MYOM1: variants seen among roughly 807,000 people sequenced by gnomAD.
MYOM1 encodes the protein myomesin-1.
MYOM1 carries 164 observed loss-of-function variants against 205.3 expected under a neutral mutation model. That is an observed-to-expected ratio of 0.80 (90% CI 0.70 to 0.91). MYOM1 has a LOEUF of 0.91. MYOM1 is among the 40% of genes least tolerant of loss of function. The pLI, the probability that MYOM1 is intolerant of heterozygous loss-of-function variation, is 0.00. For synonymous variants in MYOM1, 772 were observed against 789.4 expected (o/e 0.98, Z 0.37); for missense variants, 2,011 against 2,127.3 (o/e 0.95, Z 1.08).
intron 10 of MYOM1, among the ~76,000 whole-genome samples, chr18:3,156,769 G>A (rs1255179982): frequency 1.3e-5 from 2 of 152,040 alleles, no homozygotes; most frequent in Admixed American, 6.6e-5. Flanking sequence ...ACCTATGCCC[G>A]GCTAATTTTT....
At chr18:3,102,724 T>TAAAGA in intron 22 of MYOM1, 94 bp from the exon 23 acceptor site, 1 of 1,346,808 alleles carries the variant, frequency 7.4e-7, no homozygotes, top group Non-Finnish European at 1.0e-6. Flanking sequence ...AACCCTAAAG[T>TAAAGA]AGGGCCCTGA....
Position 3,067,237 on chromosome 18 carries a change from C to A in MYOM1, c.*25G>T. 6.4e-7 allele frequency: 1 copy of A among 1,561,834 alleles called. No individual in the cohort carries two copies. Among genetic ancestry groups the A allele is most frequent in the Non-Finnish European group, 8.7e-7 (1 of 1,152,192 alleles). ...CCATTCACACCCAAGTCACACAGGC[C>A]GGCTGGCTCTCCTCGCACCTCCGGT... On this transcript the variant is annotated 3_prime_UTR_variant, in exon 38 of 38. Transcript: ENST00000356443.
At chr18:3,170,662 T>C (rs1012679035) in intron 8 of MYOM1, among the ~76,000 whole-genome samples, 1 of 152,156 alleles carries the variant, frequency 6.6e-6, no homozygotes, top group African/African-American at 2.4e-5. Context: ...AGAAAGGACT[T>C]GGGAAAGAAA....
At chr18:3,185,135 G>A (rs1043569904) in intron 5 of MYOM1, among the ~76,000 whole-genome samples, 1 of 152,122 alleles carries the variant, frequency 6.6e-6, no homozygotes, top group Admixed American at 6.5e-5. Flanking sequence ...TTTTTTTCCA[G>A]ATCAACAGAG....
At chr18:3,117,337 AT>A (rs1177663895) in intron 20 of MYOM1, among the ~76,000 whole-genome samples, 3 of 152,234 alleles carry the variant, frequency 2.0e-5, no homozygotes, top group Non-Finnish European at 2.9e-5. Flanking sequence ...CAGCCCACAA[AT>A]GGGTAAAAAC....
At chr18:3,089,448 T>C (rs2079194065) in intron 28 of MYOM1, 89 bp downstream of exon 28, 1 of 981,644 alleles carries the variant, frequency 1.0e-6, no homozygotes, top group Non-Finnish European at 1.5e-6. Context: ...TAATCAATAA[T>C]ATTCATTTTA....
Position 3,129,439 on chromosome 18 carries a change from C to G in MYOM1, c.2587G>C (p.Glu863Gln), listed in dbSNP as rs2143878899. The change falls in exon 18 of 38, where the codon GAA (glutamate) becomes CAA (glutamine). Residue 863 changes from glutamate (E) to glutamine (Q), a missense_variant. By Grantham distance (29) the Glu-to-Gln change is conservative. Transcript: ENST00000356443. ...TTCTGGAAGGTTGGCGGGGAGGCTT[C>G]ATGCACGCGCCCCCTGGAGGCGGTT... is the stretch of plus-strand genomic sequence containing the variant. The part of the protein sequence containing the change: ...GLTASRGRVH[E>Q]ASPPTFQKDA... The G allele has an allele frequency of 6.2e-7, 1 of 1,613,984 alleles. No individual in the cohort carries two copies. Among genetic ancestry groups the G allele is most frequent in the Non-Finnish European group, 8.5e-7 (1 of 1,179,890 alleles).
intron 2 of MYOM1, among the ~76,000 whole-genome samples, chr18:3,194,377 C>A (rs930066913): frequency 2.6e-5 from 4 of 152,194 alleles, no homozygotes; most frequent in African/African-American, 7.2e-5. Context: ...CAGGTCCATC[C>A]TGATGTAGGA....
At chr18:3,193,240 C>CTCCA (rs2080937834) in intron 3 of MYOM1, among the ~76,000 whole-genome samples, 1 of 151,514 alleles carries the variant, frequency 6.6e-6, no homozygotes, top group Non-Finnish European at 1.5e-5. Context: ...TGCCACTGCA[C>CTCCA]TCCAGCCTGG....
intron 2 of MYOM1, among the ~76,000 whole-genome samples, chr18:3,201,295 A>G (rs2081063785): frequency 6.6e-6 from 1 of 152,018 alleles, no homozygotes; most frequent in Admixed American, 6.5e-5. Context: ...GCTACTCAGG[A>G]GGCTGAGGCA....
chr18:3,104,913 AT>A (rs890571688), intron 22 of MYOM1, among the ~76,000 whole-genome samples: 6 of 151,558 alleles, frequency 4.0e-5, no homozygotes, highest in African/African-American at 1.5e-4. Flanking sequence ...CATCCGGCCA[AT>A]TTTTTTGCAT....
At position 3,189,213 on chromosome 18, in the gene MYOM1, A is replaced by G. The variant is rs2080871046; in HGVS notation, c.432-126T>C. The G allele has an allele frequency of 3.5e-6, 3 of 868,280 alleles. No individual in the cohort carries two copies. The South Asian group carries it at 5.6e-5, about 16-fold the overall frequency. 53.8% of individuals were successfully genotyped at this position (868,280 alleles called of 1,614,324 possible). ...TGCACCAAAAGAAAATCCGACATAG[A>G]AAAAGCAGGTGAATCAGAAGCTGAC... On this transcript the variant is annotated intron_variant, in intron 3 of 37. Coordinates refer to ENST00000356443, the MANE Select transcript of MYOM1 (RefSeq NM_003803.4). This position sits in a 1 kb window ranked among gnomAD's most constrained non-coding sequence, Gnocchi z 4.8.
chr18:3,137,485 A>G (rs2079987579), intron 14 of MYOM1, among the ~76,000 whole-genome samples: 1 of 152,230 alleles, frequency 6.6e-6, no homozygotes, highest in Non-Finnish European at 1.5e-5. Context: ...AATGTTATTC[A>G]GCCACAAAAA....
intron 17 of MYOM1, among the ~76,000 whole-genome samples, chr18:3,129,887 A>G (rs896007851): frequency 2.0e-5 from 3 of 152,152 alleles, no homozygotes; most frequent in Admixed American, 6.5e-5. Context: ...TGAAAAAAGG[A>G]CTATAAAGTG....
At chr18:3,185,297 G>T (rs2080794652) in intron 5 of MYOM1, among the ~76,000 whole-genome samples, 1 of 152,128 alleles carries the variant, frequency 6.6e-6, no homozygotes, top group Non-Finnish European at 1.5e-5. Flanking sequence ...GGAATTGAAT[G>T]TTTATCTCCC....
intron 29 of MYOM1, among the ~76,000 whole-genome samples, chr18:3,086,944 A>G (rs2079161911): frequency 6.6e-6 from 1 of 152,232 alleles, no homozygotes; most frequent in Non-Finnish European, 1.5e-5. Context: ...CAACAGACAA[A>G]GACAATGTTG....
At chr18:3,074,987 G>A (rs1423916691) in intron 36 of MYOM1, among the ~76,000 whole-genome samples, 1 of 152,086 alleles carries the variant, frequency 6.6e-6, no homozygotes, top group Non-Finnish European at 1.5e-5. Context: ...TAGAGACGGG[G>A]TTTTGCCATG....
Position 3,148,786 on chromosome 18 carries a change from T to C in MYOM1, c.1900+359A>G, listed in dbSNP as rs572146497. On this transcript the variant is annotated intron_variant, in intron 13 of 37. Transcript: ENST00000356443. The stretch of plus-strand genomic sequence containing the variant: ...GCGTGAACCCGGGAGGCGGAGCTTG[T>C]AGTGAGCCGAGATCGCACCATTGCA... Among the ~76,000 whole-genome samples the C allele has an allele frequency of 1.4e-3, 180 of 131,796 alleles. 1 individual carries two copies. The highest frequency in any genetic ancestry group is 3.3e-3 in the African/African-American group (111 of 33,518). 86.5% of individuals were successfully genotyped at this position (131,796 alleles called of 152,430 possible).
the MYOM1 span, among the ~76,000 whole-genome samples, chr18:3,238,378 G>A: frequency 1.3e-5 from 2 of 152,080 alleles, no homozygotes; most frequent in African/African-American, 2.4e-5. Context: ...ACCTGGGGGA[G>A]GGGGGAGGCA....
Sources: allele counts gnomAD v4.1 joint callset (sites outside exome capture counted in the v4.1 genomes callset), GRCh38; gene constraint gnomAD v4.1.1; non-coding constraint Gnocchi (gnomAD v3.1); transcripts MANE v1.5; gene names NCBI Gene and HGNC (gene_info 2026-07-23, HGNC 2026-07-21).